The following SFMBT2 variants were observed in gnomAD, a reference collection of about 807,000 sequenced individuals.
The protein encoded by SFMBT2 is scm-like with four MBT domains protein 2.
Under a neutral mutation model 110.1 loss-of-function variants are expected in SFMBT2, and 38 were observed. The observed-to-expected ratio is 0.35, with a 90% CI of 0.27 to 0.45. The LOEUF (loss-of-function observed/expected upper bound fraction) is 0.45. Among genes scored for constraint, SFMBT2 ranks in the 20% least tolerant of loss-of-function variants. The pLI, the probability that SFMBT2 is intolerant of heterozygous loss-of-function variation, is 1.00. For synonymous variants in SFMBT2, 425 were observed against 425.4 expected (o/e 1.00, Z 0.01); for missense variants, 1,011 against 1,094.9 (o/e 0.92, Z 1.08).
chr10:7,284,216 ACAG>A lies in SFMBT2; in HGVS notation c.526-69_526-67del. ...TTTAAGGTTCTCATGGAAACAGATG[ACAG>A]CAGAAGATAATATTTTTTCACACCA... On this transcript the variant is annotated intron_variant, in intron 5 of 20. Transcript: ENST00000397167. The A allele has an allele frequency of 1.9e-6, 3 of 1,564,924 alleles. No homozygotes were observed. The South Asian group carries it at 3.7e-5, about 19-fold the overall frequency.
At chr10:7,348,852 G>A (rs1238112650) in intron 4 of SFMBT2, among the ~76,000 whole-genome samples, 1 of 152,170 alleles carries the variant, frequency 6.6e-6, no homozygotes, top group East Asian at 1.9e-4. Flanking sequence ...GAATGGCAGG[G>A]AACCTGCCAC....
chr10:7,404,790 A>G (rs979520039), intron 1 of SFMBT2, among the ~76,000 whole-genome samples: 1 of 152,214 alleles, frequency 6.6e-6, no homozygotes, highest in Non-Finnish European at 1.5e-5. Context: ...GCTTTTTAAA[A>G]TTTACTACAG....
At chr10:7,334,153 A>C (rs1564445560) in intron 4 of SFMBT2, among the ~76,000 whole-genome samples, 1 of 152,144 alleles carries the variant, frequency 6.6e-6, no homozygotes, top group Non-Finnish European at 1.5e-5. Flanking sequence ...ATGATGGTCT[A>C]TCAAGAGGAA....
At chr10:7,325,710 T>C (rs542574428) in intron 4 of SFMBT2, among the ~76,000 whole-genome samples, 18 of 152,340 alleles carry the variant, frequency 1.2e-4, no homozygotes, top group Admixed American at 6.5e-4. Context: ...ATCTTTTATC[T>C]ACTTAACAAT....
intron 9 of SFMBT2, among the ~76,000 whole-genome samples, chr10:7,231,071 C>T (rs1840102390): frequency 6.6e-6 from 1 of 152,174 alleles, no homozygotes; most frequent in Admixed American, 6.5e-5. Flanking sequence ...TTTCCCCCAA[C>T]TCTCTGTGGT....
chr10:7,205,418 ATAT>A (rs1839097144), intron 12 of SFMBT2: 6 of 985,196 alleles, frequency 6.1e-6, no homozygotes, highest in Middle Eastern at 5.2e-4. Flanking sequence ...GAATGTCAGT[ATAT>A]TATTGGAACC....
chr10:7,285,958 G>A lies in SFMBT2; in HGVS notation c.437-4C>T, dbSNP rs575503080. On this transcript the variant is annotated splice_polypyrimidine_tract_variant and splice_region_variant and intron_variant, in intron 4 of 20. Transcript: ENST00000397167. The stretch of plus-strand genomic sequence containing the variant: ...TCTGTGTACTTCTCTTTGATTGCTG[G>A]CAAGACAAAGGAGAAAGAAAAACAA... The A allele has an allele frequency of 6.0e-5, 52 of 869,614 alleles. No homozygotes were observed. The highest frequency in any genetic ancestry group is 9.8e-5 in the Non-Finnish European group (49 of 500,738). The allele number at this position is 869,614 out of a possible 1,614,324, so 53.9% of individuals were successfully genotyped here.
intron 10 of SFMBT2, among the ~76,000 whole-genome samples, 174 bp downstream of exon 10, chr10:7,227,681 C>T (rs1046151909): frequency 3.3e-5 from 5 of 152,204 alleles, no homozygotes; most frequent in Non-Finnish European, 2.9e-5. Flanking sequence ...ACCAGCATCA[C>T]CCTAGCAAAT....
At position 7,311,649 on chromosome 10, in the gene SFMBT2, A is replaced by G. The variant is rs564668608; in HGVS notation, c.437-25695T>C. Among the ~76,000 whole-genome samples the G allele has an allele frequency of 1.1e-3, 172 of 152,362 alleles. 4 individuals carry two copies. The highest frequency in any genetic ancestry group is 4.0e-3 in the African/African-American group (167 of 41,588). ...TCAATATCCTACTCACGTCATGTTG[A>G]CAAAAAGAAAAATTTGGTAATAAGA... On this transcript the variant is annotated intron_variant, in intron 4 of 20. Transcript: ENST00000397167.
At chr10:7,273,131 C>T (rs1841652266) in intron 7 of SFMBT2, among the ~76,000 whole-genome samples, 1 of 152,172 alleles carries the variant, frequency 6.6e-6, no homozygotes. Flanking sequence ...TGATAGCTCA[C>T]CTAAAATTCT....
chr10:7,330,552 T>C (rs1190848183), intron 4 of SFMBT2, among the ~76,000 whole-genome samples: 1 of 152,126 alleles, frequency 6.6e-6, no homozygotes, highest in Non-Finnish European at 1.5e-5. Flanking sequence ...CTTGCATCAC[T>C]TGGGAAGGAC....
At chr10:7,186,384 C>CAT (rs1048598445) in intron 16 of SFMBT2, among the ~76,000 whole-genome samples, 2 of 150,030 alleles carry the variant, frequency 1.3e-5, no homozygotes, top group South Asian at 2.1e-4. Context: ...GTATATATGA[C>CAT]ATATATATAC....
intron 11 of SFMBT2, among the ~76,000 whole-genome samples, chr10:7,218,379 C>T (rs950974061): frequency 2.0e-5 from 3 of 152,174 alleles, no homozygotes; most frequent in African/African-American, 7.2e-5. Flanking sequence ...AACCAAAATT[C>T]AAGCAAGACC....
At chr10:7,274,373 C>T (rs914139731) in intron 7 of SFMBT2, among the ~76,000 whole-genome samples, 1 of 152,120 alleles carries the variant, frequency 6.6e-6, no homozygotes, top group Non-Finnish European at 1.5e-5. Flanking sequence ...GTGTCCCCAC[C>T]TAAATCTCAT....
chr10:7,197,572 G>T lies in SFMBT2; in HGVS notation c.1674C>A (p.Gly558=), dbSNP rs1486934941. The change falls in exon 15 of 21, where the codon GGC becomes GGA. Residue 558 remains glycine (G), a synonymous_variant. Transcript: ENST00000397167. The stretch of plus-strand genomic sequence containing the variant: ...CCTCTTTAAGAACCAGCACGCATTT[G>T]CCCGGTCCCACCGACTGAGGTAGCT... The part of the protein sequence containing the change: ...IAELPQSVGP[G]KCVLVLKEVL... 1 of 1,614,156 alleles carries T rather than the reference G, an allele frequency of 6.2e-7. No homozygotes were observed. The highest frequency in any genetic ancestry group is 8.5e-7 in the Non-Finnish European group (1 of 1,180,016).
chr10:7,178,946 C>T (rs1277543681), intron 16 of SFMBT2, among the ~76,000 whole-genome samples: 1 of 152,130 alleles, frequency 6.6e-6, no homozygotes, highest in Non-Finnish European at 1.5e-5. Context: ...TCACATATCA[C>T]CAAACTACTG....
At chr10:7,311,142 A>C (rs1259712635) in intron 4 of SFMBT2, among the ~76,000 whole-genome samples, 1 of 151,992 alleles carries the variant, frequency 6.6e-6, no homozygotes, top group Non-Finnish European at 1.5e-5. Flanking sequence ...CTAAAAAAAA[A>C]ACAAACTGTT....
intron 7 of SFMBT2, among the ~76,000 whole-genome samples, chr10:7,255,196 A>T (rs1018542848): frequency 1.3e-4 from 20 of 152,246 alleles, no homozygotes; most frequent in Non-Finnish European, 2.9e-5. Context: ...TGTCAAGGAC[A>T]GAGAGAGTTC....
chr10:7,358,076 C>G (rs1445283375), intron 4 of SFMBT2, among the ~76,000 whole-genome samples: 2 of 151,806 alleles, frequency 1.3e-5, no homozygotes, highest in Admixed American at 6.6e-5. Flanking sequence ...CTGCATGGGC[C>G]TAGAACATCT....
Sources: allele counts gnomAD v4.1 joint callset (sites outside exome capture counted in the v4.1 genomes callset), GRCh38; gene constraint gnomAD v4.1.1; transcripts MANE v1.5; gene names NCBI Gene and HGNC (gene_info 2026-07-23, HGNC 2026-07-21).